Variants in PDE11A observed in about 807,000 individuals in gnomAD.
PDE11A encodes the protein phosphodiesterase 11A.
A neutral mutation model predicts 100.5 loss-of-function variants in PDE11A; 100 were observed. That is an observed-to-expected ratio of 1.00 (90% CI 0.85 to 1.18). The LOEUF (loss-of-function observed/expected upper bound fraction) is 1.18, where lower values mean the gene tolerates loss of function less well. Among genes scored for constraint, PDE11A ranks in the 50% most tolerant of loss-of-function variants. The probability of loss-of-function intolerance (pLI) is 0.00; values close to 1 mark genes in which losing one functional copy is unlikely to be tolerated. For synonymous variants in PDE11A, 381 were observed against 420.8 expected (o/e 0.91, Z 1.16); for missense variants, 1,141 against 1,152.6 (o/e 0.99, Z 0.15).
intron 1 of PDE11A, among the ~76,000 whole-genome samples, chr2:178,066,641 C>T (rs1409847975): frequency 6.6e-6 from 1 of 152,170 alleles, no homozygotes; most frequent in Non-Finnish European, 1.5e-5. Flanking sequence ...TGCCATTGCA[C>T]TCTGCTCTTA....
In PDE11A at chr2:177,680,908, A is replaced by T. The variant is rs748613829; in HGVS notation, c.2346-5T>A. 1.3e-6 allele frequency: 2 copies of T among 1,519,184 alleles called. No individual in the cohort carries two copies. Among genetic ancestry groups the T allele is most frequent in the Non-Finnish European group, 1.8e-6 (2 of 1,095,894 alleles). The allele number at this position is 1,519,184 out of a possible 1,614,324, so 94.1% of individuals were successfully genotyped here. On this transcript the variant is annotated splice_polypyrimidine_tract_variant and splice_region_variant and intron_variant, in intron 15 of 19. Coordinates refer to ENST00000286063, the MANE Select transcript of PDE11A (RefSeq NM_016953.4). The stretch of plus-strand genomic sequence containing the variant: ...TCAAAGAATTCAGTTCTCCTCCTGC[A>T]GGAAAATCAAATGAAGAAAGAAAGA...
Position 178,071,621 on chromosome 2 carries a change from CTGTGCTGCTGCAAGGCAGCAGAGG to C in PDE11A, c.793_816del (p.Pro265_Thr272del), listed in dbSNP as rs761105953. 9.9e-6 allele frequency: 16 copies of C among 1,613,938 alleles called. No individual in the cohort carries two copies. The highest frequency in any genetic ancestry group is 1.1e-5 in the Non-Finnish European group (13 of 1,179,826). ...GGGACCTGCACCTCATTTGAGTTCT[CTGTGCTGCTGCAAGGCAGCAGAGG>C]TGTTCCTGCATGCACATCAAAGAAT... On this transcript the variant is annotated inframe_deletion, in exon 1 of 20. Transcript: ENST00000286063.
intron 1 of PDE11A, among the ~76,000 whole-genome samples, chr2:178,056,435 T>C (rs1338908692): frequency 1.3e-5 from 2 of 152,176 alleles, no homozygotes; most frequent in Non-Finnish European, 2.9e-5. Flanking sequence ...AGAATATTTA[T>C]TATCGTTCTC....
chr2:177,665,853 T>C (rs991031374), intron 18 of PDE11A, among the ~76,000 whole-genome samples: 2 of 49,886 alleles, frequency 4.0e-5, no homozygotes, highest in African/African-American at 1.0e-4. Flanking sequence ...CAAGACTCCA[T>C]CTCAAAAAAA....
intron 1 of PDE11A, among the ~76,000 whole-genome samples, chr2:178,048,385 T>C (rs2086780396): frequency 6.6e-6 from 1 of 152,104 alleles, no homozygotes; most frequent in South Asian, 2.1e-4. Context: ...GTTCCGTGTA[T>C]AACAATCTGA....
intron 2 of PDE11A, among the ~76,000 whole-genome samples, chr2:177,933,799 T>C (rs1476844036): frequency 6.6e-6 from 1 of 152,106 alleles, no homozygotes; most frequent in Non-Finnish European, 1.5e-5. Context: ...ACCAATGGAA[T>C]AGAAAGGAGA....
At chr2:177,784,877 T>C (rs545271024) in intron 9 of PDE11A, among the ~76,000 whole-genome samples, 96 of 152,372 alleles carry the variant, frequency 6.3e-4, no homozygotes, top group Non-Finnish European at 1.2e-3. Flanking sequence ...CCTAGGCTTG[T>C]AGTCTGAACT....
At chr2:178,070,001 A>G (rs79885182) in intron 1 of PDE11A, among the ~76,000 whole-genome samples, 88 of 151,614 alleles carry the variant, frequency 5.8e-4, no homozygotes, top group Admixed American at 1.4e-3. Flanking sequence ...AGGATGTGGG[A>G]AAAAAAAATT....
intron 1 of PDE11A, among the ~76,000 whole-genome samples, chr2:178,023,335 G>T (rs2105835026): frequency 6.6e-6 from 1 of 152,270 alleles, no homozygotes; most frequent in South Asian, 2.1e-4. Context: ...CACTTTAGAG[G>T]TACGAAAGAA....
At chr2:177,648,617 A>G (rs954000856) in intron 19 of PDE11A, among the ~76,000 whole-genome samples, 19 of 152,170 alleles carry the variant, frequency 1.2e-4, no homozygotes, top group African/African-American at 4.3e-4. Context: ...TTGAAAAAGA[A>G]TAATAAGGAA....
chr2:177,947,367 C>T (rs569270927), intron 2 of PDE11A, among the ~76,000 whole-genome samples: 62 of 151,696 alleles, frequency 4.1e-4, no homozygotes, highest in Admixed American at 1.1e-3. Context: ...GGATGGTTGC[C>T]GTGTCTGTGT....
At chr2:177,872,753 A>G (rs372749137) in intron 5 of PDE11A, among the ~76,000 whole-genome samples, 2 of 152,204 alleles carry the variant, frequency 1.3e-5, no homozygotes, top group African/African-American at 4.8e-5. Flanking sequence ...TCAGACTGTG[A>G]GATCAAGCTG....
At chr2:177,699,828 T>A (rs894659973) in intron 14 of PDE11A, among the ~76,000 whole-genome samples, 2 of 152,204 alleles carry the variant, frequency 1.3e-5, no homozygotes, top group East Asian at 3.8e-4. Context: ...CTGTTCTTCA[T>A]AGGGAACCCC....
intron 1 of PDE11A, among the ~76,000 whole-genome samples, chr2:178,051,491 A>G (rs2086826338): frequency 6.6e-6 from 1 of 152,324 alleles, no homozygotes; most frequent in South Asian, 2.1e-4. Flanking sequence ...GACAGGATCA[A>G]ATTCACACAT....
rs1173068300 is a variant in PDE11A, at chr2:177,660,031, TTTTCTTTC to T, written c.2646+3827_2646+3834del. Among the ~76,000 whole-genome samples the T allele has an allele frequency of 7.5e-3, 937 of 125,538 alleles. 15 individuals are homozygous for T. The highest frequency in any genetic ancestry group is 0.019 in the African/African-American group (630 of 33,964). The allele number at this position is 125,538 out of a possible 152,430, so 82.4% of individuals were successfully genotyped here. Reference sequence around the variant, plus strand: ...TCACGACTTCATCCTGTTACAATCATTTTCTTTCTTTCTTTCTTTCTTTCTTTCTTTCT... The same window carrying T: ...TCACGACTTCATCCTGTTACAATCATTTTCTTTCTTTCTTTCTTTCTTTCT... On this transcript the variant is annotated intron_variant, in intron 19 of 19. Coordinates refer to ENST00000286063, the MANE Select transcript of PDE11A (RefSeq NM_016953.4).
At position 177,812,017 on chromosome 2, in the gene PDE11A, T is replaced by C. The variant is rs191002800; in HGVS notation, c.1737+4812A>G. Among the ~76,000 whole-genome samples the C allele has an allele frequency of 5.9e-5, 9 of 152,306 alleles. 1 individual carries two copies. In the East Asian group the frequency reaches 1.3e-3, roughly 23 times the overall value. ...GTCTTACAAGAAATCTTGGGCTAAGTAGACAAAACTCAATGAAGATTAAGG... is the reference window on the plus strand; with the variant it reads ...GTCTTACAAGAAATCTTGGGCTAAGCAGACAAAACTCAATGAAGATTAAGG... On this transcript the variant is annotated intron_variant, in intron 9 of 19. Coordinates refer to ENST00000286063, the MANE Select transcript of PDE11A (RefSeq NM_016953.4).
chr2:177,892,338 C>A (rs1478381286), intron 4 of PDE11A, among the ~76,000 whole-genome samples: 1 of 152,070 alleles, frequency 6.6e-6, no homozygotes, highest in Non-Finnish European at 1.5e-5. Context: ...CCAAAACATT[C>A]ATAGAATAAT....
chr2:177,853,707 TGTGTGTTTG>T (rs2083769071), intron 5 of PDE11A, among the ~76,000 whole-genome samples: 1 of 34,800 alleles, frequency 2.9e-5, no homozygotes, highest in African/African-American at 7.7e-5. Flanking sequence ...TGTGTGTGTG[TGTGTGTTTG>T]TGTGTGTGTG....
intron 2 of PDE11A, among the ~76,000 whole-genome samples, chr2:177,989,659 T>C (rs1163246646): frequency 6.6e-6 from 1 of 152,182 alleles, no homozygotes; most frequent in Non-Finnish European, 1.5e-5. Context: ...GCATGCTCAG[T>C]TAGTCACTGC....
Sources: gnomAD v4.1 joint callset for allele counts (sites outside exome capture counted in the v4.1 genomes callset) on GRCh38, gnomAD v4.1.1 for gene constraint, MANE v1.5 for transcripts, NCBI Gene and HGNC (gene_info 2026-07-23, HGNC 2026-07-21) for gene names.